The following DNER variants were observed in gnomAD, a reference collection of about 807,000 sequenced individuals.
The protein encoded by DNER is delta and Notch-like epidermal growth factor-related receptor.
A neutral mutation model predicts 78.2 loss-of-function variants in DNER; 33 were observed. That is an observed-to-expected ratio of 0.42 (90% confidence interval 0.32 to 0.56). The LOEUF is 0.56. Ranked by LOEUF, DNER falls within the 20% of genes least tolerant of loss-of-function variation. The pLI, the probability that DNER is intolerant of heterozygous loss-of-function variation, is 0.11. For missense variants in DNER, 918 were observed against 975.3 expected, an observed-to-expected ratio of 0.94 and a Z score of 0.78; for synonymous variants, 417 against 384.8, an observed-to-expected ratio of 1.08 and a Z score of -0.98.
intron 1 of DNER, among the ~76,000 whole-genome samples, chr2:229,634,118 G>A (rs1264423076): frequency 6.6e-6 from 1 of 152,178 alleles, no homozygotes; most frequent in Non-Finnish European, 1.5e-5. Context: ...GAGAAAGAAG[G>A]CAGCTTAAGG....
intron 1 of DNER, among the ~76,000 whole-genome samples, chr2:229,615,734 T>C (rs1384647870): frequency 2.0e-5 from 3 of 152,016 alleles, no homozygotes; most frequent in Non-Finnish European, 4.4e-5. Flanking sequence ...AGAACTGTTT[T>C]GTAGAGGACA....
intron 1 of DNER, among the ~76,000 whole-genome samples, chr2:229,658,463 T>C (rs890293460): frequency 2.0e-5 from 3 of 152,176 alleles, no homozygotes; most frequent in African/African-American, 7.2e-5. Flanking sequence ...GTGAGACTTC[T>C]CTCTGGCAAT....
chr2:229,588,474 A>C lies in DNER; in HGVS notation c.600T>G (p.Ile200Met). 6.2e-6 allele frequency: 10 copies of C among 1,601,616 alleles called. No individual in the cohort carries two copies. The highest frequency in any genetic ancestry group is 6.8e-6 in the Non-Finnish European group (8 of 1,176,278). ...TGTTAGAACTGGCATTCCCACAGGC[A>C]ATATCTGGGATCACCTGGGAAGGGA... is the stretch of plus-strand genomic sequence containing the variant. The part of the protein sequence containing the change: ...KWDQVEVIPD[I>M]ACGNASSNSS... Residue 200 changes from isoleucine (I) to methionine (M), a missense_variant, in exon 3 of 13, where the codon ATT (isoleucine) becomes ATG (methionine). Ile to Met is a conservative substitution (Grantham distance 10). Transcript: ENST00000341772.
chr2:229,462,283 C>G (rs1694719320), intron 7 of DNER, among the ~76,000 whole-genome samples: 1 of 151,996 alleles, frequency 6.6e-6, no homozygotes, highest in African/African-American at 2.4e-5. Context: ...ATAGAGGTGT[C>G]AGAAATTTTT....
chr2:229,406,507 G>A (rs1457521144), intron 10 of DNER, among the ~76,000 whole-genome samples: 1 of 151,970 alleles, frequency 6.6e-6, no homozygotes, highest in African/African-American at 2.4e-5. Context: ...CAAAGCCTGG[G>A]GAACAGAAAG....
At chr2:229,713,430 GC>G (rs1195827133) in intron 1 of DNER, among the ~76,000 whole-genome samples, 1 of 152,188 alleles carries the variant, frequency 6.6e-6, no homozygotes, top group Non-Finnish European at 1.5e-5. Flanking sequence ...CCCTGCTCAC[GC>G]CCCGGCTGCC....
chr2:229,645,304 A>G (rs1039567735), intron 1 of DNER, among the ~76,000 whole-genome samples: 1 of 152,226 alleles, frequency 6.6e-6, no homozygotes, highest in South Asian at 2.1e-4. Context: ...TGGCCCAGGA[A>G]AATTTTTAAA....
At position 229,441,663 on chromosome 2, in the gene DNER, G is replaced by A. The variant is rs543917836; in HGVS notation, c.1486+5653C>T. Among the ~76,000 whole-genome samples, 6 of 152,236 alleles carry A rather than the reference G, an allele frequency of 3.9e-5. No individual in the cohort carries two copies. In the South Asian group the frequency reaches 1.2e-3, roughly 32 times the overall value. On this transcript the variant is annotated intron_variant, in intron 8 of 12. Coordinates refer to ENST00000341772, the MANE Select transcript of DNER (RefSeq NM_139072.4). Reference sequence around the variant, plus strand: ...GTGACACTAAGAACTGAGAGAAAGTGGATACTTGGTATTTTGCGGGTTGCA... The same window carrying A: ...GTGACACTAAGAACTGAGAGAAAGTAGATACTTGGTATTTTGCGGGTTGCA...
intron 1 of DNER, among the ~76,000 whole-genome samples, chr2:229,666,401 C>T (rs1339280172): frequency 1.3e-5 from 2 of 152,024 alleles, no homozygotes; most frequent in African/African-American, 4.8e-5. Flanking sequence ...TTATCAGTAA[C>T]CGAAAGGCAA....
intron 1 of DNER, among the ~76,000 whole-genome samples, chr2:229,680,776 G>T (rs1396572579): frequency 6.6e-6 from 1 of 152,236 alleles, no homozygotes; most frequent in African/African-American, 2.4e-5. Context: ...TCTCCTAAAA[G>T]TAATGATCAC....
At chr2:229,687,644 T>C (rs1340808069) in intron 1 of DNER, among the ~76,000 whole-genome samples, 1 of 152,212 alleles carries the variant, frequency 6.6e-6, no homozygotes, top group Non-Finnish European at 1.5e-5. Context: ...TCTTAATTCA[T>C]GTTGTCTAAT....
intron 7 of DNER, among the ~76,000 whole-genome samples, chr2:229,451,987 G>A: frequency 6.6e-6 from 1 of 152,180 alleles, no homozygotes; most frequent in Non-Finnish European, 1.5e-5. Flanking sequence ...TCATGGCTTT[G>A]GAGAGAGCCA....
In DNER at chr2:229,714,210, G is replaced by A. The variant is rs1259067436; in HGVS notation, c.214C>T (p.Pro72Ser). 1 of 1,388,392 alleles carries A rather than the reference G, an allele frequency of 7.2e-7. No individual in the cohort carries two copies. The highest frequency in any genetic ancestry group is 9.3e-7 in the Non-Finnish European group (1 of 1,074,524). The allele number at this position is 1,388,392 out of a possible 1,614,324, so 86.0% of individuals were successfully genotyped here. A position where few individuals can be genotyped will look rare whatever the true frequency, so the allele number is the denominator to read the frequency against. Residue 72 changes from proline (P) to serine (S), a missense_variant, in exon 1 of 13, where the codon CCC becomes TCC. Physicochemically the swap from Pro to Ser is moderately conservative, Grantham distance 74 (BLOSUM62 -1). Transcript: ENST00000341772. ...RPEPDPQHPA[P>S]AGEPGYSCTC... is the part of the protein sequence containing the mutation. ...CAGCTGTAGCCAGGCTCGCCGGCGGGGGCCGGGTGCTGCGGGTCCGGCTCA... is the reference window on the plus strand; with the variant it reads ...CAGCTGTAGCCAGGCTCGCCGGCGGAGGCCGGGTGCTGCGGGTCCGGCTCA...
intron 1 of DNER, among the ~76,000 whole-genome samples, chr2:229,616,678 G>A (rs899570485): frequency 4.6e-5 from 7 of 152,350 alleles, no homozygotes; most frequent in Middle Eastern, 3.4e-3. Context: ...CACGGGTGAA[G>A]TGAGGGAGCT....
chr2:229,359,272 G>C (rs1692160610), intron 12 of DNER, among the ~76,000 whole-genome samples: 1 of 152,150 alleles, frequency 6.6e-6, no homozygotes, highest in Non-Finnish European at 1.5e-5. Context: ...GTTTTCCTCA[G>C]AGCACAAAGC....
chr2:229,445,016 A>G (rs1437674104), intron 8 of DNER, among the ~76,000 whole-genome samples: 1 of 152,170 alleles, frequency 6.6e-6, no homozygotes, highest in Non-Finnish European at 1.5e-5. Flanking sequence ...GACAGGTAAT[A>G]AAGTATTAAG....
At chr2:229,409,025 C>T (rs1574830337) in intron 9 of DNER, among the ~76,000 whole-genome samples, 1 of 152,146 alleles carries the variant, frequency 6.6e-6, no homozygotes, top group South Asian at 2.1e-4. Flanking sequence ...TTGAACGAGC[C>T]TCCTCAACTT....
intron 1 of DNER, among the ~76,000 whole-genome samples, chr2:229,693,472 T>C (rs917902815): frequency 6.6e-6 from 1 of 151,762 alleles, no homozygotes; most frequent in Non-Finnish European, 1.5e-5. Context: ...CCGGAACCAT[T>C]TGGAGGGCTC....
At chr2:229,697,763 A>G (rs1222998027) in intron 1 of DNER, among the ~76,000 whole-genome samples, 1 of 152,242 alleles carries the variant, frequency 6.6e-6, no homozygotes, top group African/African-American at 2.4e-5. Flanking sequence ...GGAGACAAGC[A>G]GCCCTTCATC....
Sources: allele counts gnomAD v4.1 joint callset (sites outside exome capture counted in the v4.1 genomes callset), GRCh38; gene constraint gnomAD v4.1.1; transcripts MANE v1.5; gene names NCBI Gene and HGNC (gene_info 2026-07-23, HGNC 2026-07-21).